SUPT3H: variants seen among roughly 807,000 people sequenced by gnomAD.
The protein encoded by SUPT3H is transcription initiation protein SPT3 homolog.
SUPT3H carries 44 observed loss-of-function variants against 44.3 expected under a neutral mutation model. The ratio of observed to expected loss-of-function variants is 0.99; its 90% CI spans 0.78 to 1.28. SUPT3H has a LOEUF of 1.28. SUPT3H is among the 50% of genes most tolerant of loss of function. SUPT3H has a pLI of 0.00. For synonymous variants in SUPT3H, 124 were observed against 125.6 expected, an observed-to-expected ratio of 0.99 and a Z score of 0.09; for missense variants, 380 against 387.1, an observed-to-expected ratio of 0.98 and a Z score of 0.15.
At chr6:45,016,714 G>C (rs983401619) in intron 4 of SUPT3H, among the ~76,000 whole-genome samples, 7 of 151,938 alleles carry the variant, frequency 4.6e-5, no homozygotes, top group Non-Finnish European at 8.8e-5. Context: ...TCGTGTATAT[G>C]TGCCACATTT....
Position 45,296,738 on chromosome 6 carries a change from C to CAAAAAAA in SUPT3H, c.101+68456_101+68462dup, listed in dbSNP as rs60921436. Reference sequence around the variant, plus strand: ...TGGCCAACAGAGTAAGACTCTGTCTCAAAAAAAAAAAAAAAAAAAAAAAAA... The same window carrying CAAAAAAA: ...TGGCCAACAGAGTAAGACTCTGTCTCAAAAAAAAAAAAAAAAAAAAAAAAAAAAAAAA... On this transcript the variant is annotated intron_variant, in intron 2 of 10. Transcript: ENST00000371459. Among the ~76,000 whole-genome samples the CAAAAAAA allele has an allele frequency of 1.9e-3, 57 of 29,696 alleles. 3 individuals carry two copies. The highest frequency in any genetic ancestry group is 2.8e-3 in the Non-Finnish European group (41 of 14,828). 19.5% of individuals were successfully genotyped at this position (29,696 alleles called of 152,430 possible). A position where few individuals can be genotyped will look rare whatever the true frequency, so the allele number is the denominator to read the frequency against.
chr6:45,175,679 G>A (rs913519803), intron 2 of SUPT3H, among the ~76,000 whole-genome samples: 1 of 151,518 alleles, frequency 6.6e-6, no homozygotes, highest in Non-Finnish European at 1.5e-5. Context: ...ACGATACCAT[G>A]GTGCTAGGCC....
chr6:45,265,224 T>A (rs1277041842), intron 2 of SUPT3H, among the ~76,000 whole-genome samples: 1 of 152,168 alleles, frequency 6.6e-6, no homozygotes, highest in Non-Finnish European at 1.5e-5. Flanking sequence ...TCAATTTTAA[T>A]AAAACCGTAC....
At chr6:45,292,332 C>T (rs917364058) in intron 2 of SUPT3H, among the ~76,000 whole-genome samples, 5 of 151,958 alleles carry the variant, frequency 3.3e-5, no homozygotes, top group African/African-American at 4.8e-5. Flanking sequence ...CAAAATAGAA[C>T]CACTTTAAAG....
chr6:44,954,415 G>A, intron 8 of SUPT3H, 80 bp downstream of exon 8: 1 of 986,428 alleles, frequency 1.0e-6, no homozygotes, highest in East Asian at 2.4e-5. Context: ...TAGAGCAGCA[G>A]GGAGAAGAAG....
chr6:45,365,218 T>C lies in SUPT3H; in HGVS notation c.84A>G (p.Thr28=). ...RSTGKSISFA[T]ELQSMMYSLG... ...ATACTTACATCATACTCTGTAATTC[T>C]GTTGCAAAGCTTATAGACTTCCCTG... is the stretch of plus-strand genomic sequence containing the variant. Residue 28 remains threonine (T), a synonymous_variant, in exon 2 of 11, where the codon ACA becomes ACG. Coordinates refer to ENST00000371459, the MANE Select transcript of SUPT3H (RefSeq NM_003599.4). 1 of 1,609,858 alleles carries C rather than the reference T, an allele frequency of 6.2e-7. No homozygotes were observed. The highest frequency in any genetic ancestry group is 8.5e-7 in the Non-Finnish European group (1 of 1,177,338).
At chr6:45,126,871 GA>G (rs1271423254) in intron 2 of SUPT3H, among the ~76,000 whole-genome samples, 1 of 152,100 alleles carries the variant, frequency 6.6e-6, no homozygotes, top group Non-Finnish European at 1.5e-5. Flanking sequence ...AAAGGGGGAA[GA>G]GACGATGCGA....
At chr6:44,838,659 C>T (rs1770376659) in intron 10 of SUPT3H, among the ~76,000 whole-genome samples, 1 of 152,142 alleles carries the variant, frequency 6.6e-6, no homozygotes, top group African/African-American at 2.4e-5. Flanking sequence ...AAGAGCTTAT[C>T]CAAATTCAGG....
At chr6:45,082,546 A>AT (rs1185687510) in intron 3 of SUPT3H, among the ~76,000 whole-genome samples, 2 of 152,212 alleles carry the variant, frequency 1.3e-5, no homozygotes, top group African/African-American at 4.8e-5. Flanking sequence ...AACAAAAACC[A>AT]TATGAGTATC....
At chr6:45,004,145 C>T (rs1374748787) in intron 5 of SUPT3H, among the ~76,000 whole-genome samples, 2 of 151,782 alleles carry the variant, frequency 1.3e-5, no homozygotes, top group Non-Finnish European at 2.9e-5. Flanking sequence ...AATGACAATA[C>T]AAAAAATGAT....
chr6:45,140,210 T>C (rs1353175870), intron 2 of SUPT3H, among the ~76,000 whole-genome samples: 1 of 151,790 alleles, frequency 6.6e-6, no homozygotes, highest in Non-Finnish European at 1.5e-5. Context: ...ACAGCGGCCA[T>C]GGCAAGCTCC....
chr6:45,071,438 A>G (rs947690927), intron 3 of SUPT3H, among the ~76,000 whole-genome samples: 2 of 152,110 alleles, frequency 1.3e-5, no homozygotes, highest in East Asian at 1.9e-4. Flanking sequence ...CTGATCTGCA[A>G]TCTGAGTCCT....
chr6:45,337,165 G>A (rs1300608331), intron 2 of SUPT3H, among the ~76,000 whole-genome samples: 1 of 151,612 alleles, frequency 6.6e-6, no homozygotes, highest in Admixed American at 6.6e-5. Context: ...CATATGAACA[G>A]AACAACATGC....
chr6:45,200,308 T>C (rs1762281220), intron 2 of SUPT3H, among the ~76,000 whole-genome samples: 2 of 151,376 alleles, frequency 1.3e-5, no homozygotes, highest in African/African-American at 2.4e-5. Flanking sequence ...ATAACTGCCA[T>C]ATATATTTTG....
At chr6:45,121,440 C>T (rs1449830596) in intron 2 of SUPT3H, among the ~76,000 whole-genome samples, 1 of 151,734 alleles carries the variant, frequency 6.6e-6, no homozygotes, top group Non-Finnish European at 1.5e-5. Flanking sequence ...TATTAGATTA[C>T]TAAATCTGGG....
chr6:44,887,735 A>T (rs1345976894), intron 10 of SUPT3H, among the ~76,000 whole-genome samples: 1 of 151,572 alleles, frequency 6.6e-6, no homozygotes, highest in Non-Finnish European at 1.5e-5. Context: ...AAACACATTC[A>T]AAAGCTAGCA....
At chr6:45,016,102 T>A (rs926579722) in intron 4 of SUPT3H, among the ~76,000 whole-genome samples, 2 of 152,088 alleles carry the variant, frequency 1.3e-5, no homozygotes, top group African/African-American at 4.8e-5. Context: ...ATACATAATT[T>A]TATGTGCTAT....
At chr6:45,377,680 A>G (rs1233187322) in intron 1 of SUPT3H, 88 bp downstream of exon 1, 1 of 152,170 alleles carries the variant, frequency 6.6e-6, no homozygotes, top group East Asian at 1.9e-4. Context: ...GGGCCCAGCG[A>G]CGCTGGGATC....
At chr6:44,938,096 ATT>A (rs528812806) in intron 9 of SUPT3H, among the ~76,000 whole-genome samples, 1 of 135,948 alleles carries the variant, frequency 7.4e-6, no homozygotes. Context: ...CCCATTGTCT[ATT>A]TTTTTTTTTT....
Sources: gnomAD v4.1 joint callset for allele counts (sites outside exome capture counted in the v4.1 genomes callset) on GRCh38, gnomAD v4.1.1 for gene constraint, MANE v1.5 for transcripts, NCBI Gene and HGNC (gene_info 2026-07-23, HGNC 2026-07-21) for gene names.